THSD7A: variants seen among roughly 807,000 people sequenced by gnomAD.
The protein encoded by THSD7A is thrombospondin type 1 domain containing 7A.
THSD7A carries 96 observed loss-of-function variants against 231.3 expected under a neutral mutation model. The observed-to-expected ratio is 0.41, with a 90% confidence interval of 0.35 to 0.49. The LOEUF is 0.49. Among genes scored for constraint, THSD7A ranks in the 20% least tolerant of loss-of-function variants. The pLI, the probability that THSD7A is intolerant of heterozygous loss-of-function variation, is 0.05. For synonymous variants in THSD7A, 940 were observed against 743.3 expected (o/e 1.26, Z -4.30); for missense variants, 2,290 against 2,070.2 (o/e 1.11, Z -2.06).
chr7:11,429,515 G>C (rs1784417598), intron 13 of THSD7A, among the ~76,000 whole-genome samples: 1 of 152,162 alleles, frequency 6.6e-6, no homozygotes, highest in Non-Finnish European at 1.5e-5. Context: ...CACAAGTTCA[G>C]GGTTCTGAGT....
chr7:11,599,420 A>G (rs1780476214), intron 2 of THSD7A, among the ~76,000 whole-genome samples: 1 of 152,204 alleles, frequency 6.6e-6, no homozygotes, highest in African/African-American at 2.4e-5. Flanking sequence ...GAAGACCGTA[A>G]TTGTCATCAG....
intron 6 of THSD7A, among the ~76,000 whole-genome samples, chr7:11,522,214 T>C (rs959741413): frequency 3.7e-4 from 57 of 152,150 alleles, no homozygotes; most frequent in Non-Finnish European, 1.2e-4. Flanking sequence ...TTCTTATTCC[T>C]TGGACAGAAT....
chr7:11,403,150 TTTC>T (rs1313172509), intron 22 of THSD7A, among the ~76,000 whole-genome samples: 2 of 152,094 alleles, frequency 1.3e-5, no homozygotes, highest in African/African-American at 4.8e-5. Flanking sequence ...TTCACAAGGG[TTTC>T]TTATCACTTA....
intron 17 of THSD7A, 51 bp from the exon 18 acceptor site, chr7:11,412,851 A>G (rs1783832327): frequency 6.4e-7 from 1 of 1,573,376 alleles, no homozygotes; most frequent in South Asian, 1.2e-5. Flanking sequence ...CAGCTACACA[A>G]CTGGTATATT....
intron 6 of THSD7A, among the ~76,000 whole-genome samples, chr7:11,504,160 G>C (rs534497522): frequency 8.5e-5 from 13 of 152,294 alleles, no homozygotes; most frequent in Non-Finnish European, 1.6e-4. Flanking sequence ...TCTCTTGTGG[G>C]AACACGGATG....
chr7:11,656,271 C>G (rs1053097024), intron 1 of THSD7A, among the ~76,000 whole-genome samples: 1 of 151,898 alleles, frequency 6.6e-6, no homozygotes, highest in Non-Finnish European at 1.5e-5. Context: ...TCAGCACTCT[C>G]TTGGAAACAA....
intron 6 of THSD7A, among the ~76,000 whole-genome samples, chr7:11,527,876 C>T (rs776535687): frequency 2.6e-5 from 4 of 152,060 alleles, no homozygotes; most frequent in Non-Finnish European, 5.9e-5. Flanking sequence ...GCTTCAGGCT[C>T]GGCATGGTGG....
At chr7:11,530,750 C>T (rs1009156581) in intron 6 of THSD7A, among the ~76,000 whole-genome samples, 3 of 152,122 alleles carry the variant, frequency 2.0e-5, no homozygotes, top group African/African-American at 7.2e-5. Flanking sequence ...TGGCTCATGC[C>T]TGTAAATCCC....
At chr7:11,732,684 A>G (rs1363777457) in intron 1 of THSD7A, among the ~76,000 whole-genome samples, 1 of 151,838 alleles carries the variant, frequency 6.6e-6, no homozygotes, top group Non-Finnish European at 1.5e-5. Context: ...ACTCTATCTT[A>G]TCCAGAGTTA....
rs1784922498 is a variant in THSD7A at position 11,445,030 on chromosome 7, T to C, written c.3064+1031A>G. Among the ~76,000 whole-genome samples the C allele has an allele frequency of 2.0e-5, 3 of 151,512 alleles. No individual in the cohort carries two copies. The South Asian group carries it at 6.2e-4, about 31-fold the overall frequency. ...TCAATAAATATGTCACCATACACTT[T>C]GATAGTTTATAAATATGAGATGGTT... On this transcript the variant is annotated intron_variant, in intron 13 of 27. Transcript: ENST00000423059.
intron 6 of THSD7A, among the ~76,000 whole-genome samples, chr7:11,500,037 T>C (rs900256098): frequency 6.6e-6 from 1 of 152,034 alleles, no homozygotes; most frequent in Non-Finnish European, 1.5e-5. Context: ...TTTTCCAAGG[T>C]TGAAATGAAA....
chr7:11,801,487 G>A (rs930826424), intron 1 of THSD7A, among the ~76,000 whole-genome samples: 4 of 152,174 alleles, frequency 2.6e-5, no homozygotes, highest in African/African-American at 9.6e-5. Flanking sequence ...ACGTTAGAAA[G>A]TGCCAGAAAC....
chr7:11,709,164 G>T (rs781523029), intron 1 of THSD7A, among the ~76,000 whole-genome samples: 1 of 150,642 alleles, frequency 6.6e-6, no homozygotes, highest in Admixed American at 6.6e-5. Flanking sequence ...AGTTTTTTCT[G>T]AATATTTAGG....
At chr7:11,514,069 C>T (rs1787928172) in intron 6 of THSD7A, among the ~76,000 whole-genome samples, 1 of 152,098 alleles carries the variant, frequency 6.6e-6, no homozygotes, top group East Asian at 1.9e-4. Flanking sequence ...ATTTGGCATT[C>T]AATCCCCACA....
At chr7:11,714,744 C>T (rs1781079460) in intron 1 of THSD7A, among the ~76,000 whole-genome samples, 2 of 151,240 alleles carry the variant, frequency 1.3e-5, no homozygotes, top group Non-Finnish European at 3.0e-5. Context: ...CTAAATTTTC[C>T]AGAAAACACA....
In THSD7A at chr7:11,406,157, C is replaced by T; in HGVS notation, c.4237+143G>A. ...GAGACAGCGTCCCGTTCCCCACAGG[C>T]ATAGTGTTGAGCTGTTGGCATAGAT... On this transcript the variant is annotated intron_variant, in intron 22 of 27. Transcript: ENST00000423059. This position sits in a 1 kb window ranked among gnomAD's most constrained non-coding sequence, Gnocchi z 4.7. The T allele has an allele frequency of 1.2e-6, 1 of 826,684 alleles. No homozygotes were observed. The highest frequency in any genetic ancestry group is 1.8e-6 in the Non-Finnish European group (1 of 557,004). 51.2% of individuals were successfully genotyped at this position (826,684 alleles called of 1,614,324 possible).
At chr7:11,646,340 G>A (rs1230031954) in intron 1 of THSD7A, among the ~76,000 whole-genome samples, 1 of 152,016 alleles carries the variant, frequency 6.6e-6, no homozygotes, top group Non-Finnish European at 1.5e-5. Context: ...ATTGGCAGCA[G>A]AGTATTTATG....
intron 1 of THSD7A, among the ~76,000 whole-genome samples, chr7:11,688,470 C>T (rs1780131608): frequency 2.6e-5 from 4 of 151,860 alleles, no homozygotes; most frequent in African/African-American, 9.6e-5. Flanking sequence ...ATCATTCATC[C>T]ACACATTCAA....
intron 1 of THSD7A, among the ~76,000 whole-genome samples, chr7:11,667,374 T>C (rs568513773): frequency 3.0e-4 from 45 of 152,312 alleles, no homozygotes; most frequent in African/African-American, 1.1e-3. Context: ...TTAGATTTTC[T>C]TGTGAAATCA....
Sources: allele counts gnomAD v4.1 joint callset (sites outside exome capture counted in the v4.1 genomes callset), GRCh38; gene constraint gnomAD v4.1.1; non-coding constraint Gnocchi (gnomAD v3.1); transcripts MANE v1.5; gene names NCBI Gene and HGNC (gene_info 2026-07-23, HGNC 2026-07-21).